Variants in SDC2 observed in about 807,000 individuals in gnomAD.
SDC2 encodes syndecan 2, also known as syndecan-2.
In SDC2, 13 loss-of-function variants were observed where a neutral mutation model predicts 22.2. The observed-to-expected ratio is 0.59, with a 90% CI of 0.38 to 0.93. The LOEUF is 0.93. SDC2 is among the 40% of genes least tolerant of loss of function. The probability of loss-of-function intolerance (pLI) is 0.00; values close to 1 mark genes in which losing one functional copy is unlikely to be tolerated. For synonymous variants in SDC2, 94 were observed against 92.8 expected (o/e 1.01, Z -0.07); for missense variants, 235 against 246.8 (o/e 0.95, Z 0.32).
chr8:96,538,027 A>G (rs2589202), intron 1 of SDC2, among the ~76,000 whole-genome samples: 82,838 of 151,574 alleles, frequency 0.55, 25,115 homozygotes, highest in Non-Finnish European at 0.7. Flanking sequence ...CAGTAGTGCA[A>G]TCTCGGCTCA....
At chr8:96,494,673 AG>A (rs1184080497) in intron 1 of SDC2, among the ~76,000 whole-genome samples, 2 of 151,740 alleles carry the variant, frequency 1.3e-5, no homozygotes, top group South Asian at 4.2e-4. Flanking sequence ...GGGTGGCAGG[AG>A]GGGGGAGCCT....
At chr8:96,551,197 C>T (rs1278830502) in intron 1 of SDC2, among the ~76,000 whole-genome samples, 1 of 152,196 alleles carries the variant, frequency 6.6e-6, no homozygotes, top group East Asian at 1.9e-4. Flanking sequence ...AGACACCTGT[C>T]ACAGCCTTGC....
At chr8:96,567,323 A>G (rs1341961719) in intron 1 of SDC2, among the ~76,000 whole-genome samples, 4 of 152,258 alleles carry the variant, frequency 2.6e-5, no homozygotes, top group Non-Finnish European at 5.9e-5. Context: ...GGCATCTTAT[A>G]GAAGTCTTAA....
chr8:96,537,313 C>A (rs989840211), intron 1 of SDC2: 8 of 152,098 alleles, frequency 5.3e-5, no homozygotes, highest in Admixed American at 3.9e-4. Context: ...AGGAAAAAAA[C>A]CCCACTCTGA....
chr8:96,532,794 G>T (rs1215033051), intron 1 of SDC2, among the ~76,000 whole-genome samples: 2 of 152,154 alleles, frequency 1.3e-5, no homozygotes. Flanking sequence ...GGTCTTCTAG[G>T]TTGGAGTCAT....
At position 96,598,889 on chromosome 8, in the gene SDC2, G is replaced by T. The variant is rs77066899; in HGVS notation, c.173-3506G>T. On this transcript the variant is annotated intron_variant, in intron 2 of 4. Transcript: ENST00000302190. Reference sequence around the variant, plus strand: ...CAAAAGAGTTAATGTTTTTAATAAAGATATTAAAAGCAGCAGAGCCATCTG... The same window carrying T: ...CAAAAGAGTTAATGTTTTTAATAAATATATTAAAAGCAGCAGAGCCATCTG... 2.0e-5 allele frequency among the ~76,000 whole-genome samples: 3 copies of T among 151,120 alleles called. No homozygotes were observed. The East Asian group carries it at 5.9e-4, about 29-fold the overall frequency.
At chr8:96,607,146 A>T (rs1234700482) in intron 3 of SDC2, among the ~76,000 whole-genome samples, 1 of 146,276 alleles carries the variant, frequency 6.8e-6, no homozygotes, top group Non-Finnish European at 1.5e-5. Context: ...TCATGGAAAG[A>T]TTGGGGACCG....
chr8:96,500,674 A>G (rs2130420823), intron 1 of SDC2, among the ~76,000 whole-genome samples: 1 of 152,056 alleles, frequency 6.6e-6, no homozygotes, highest in East Asian at 1.9e-4. Context: ...AAAAAAAAAA[A>G]AAAAAAAGAG....
chr8:96,545,156 A>G (rs1333234988), intron 1 of SDC2, among the ~76,000 whole-genome samples: 1 of 151,788 alleles, frequency 6.6e-6, no homozygotes, highest in East Asian at 1.9e-4. Context: ...AAGATTTTTA[A>G]CTCTTCTCTG....
chr8:96,606,453 T>G (rs2704240), intron 3 of SDC2, among the ~76,000 whole-genome samples: 64,347 of 152,002 alleles, frequency 0.42, 14,980 homozygotes, highest in Non-Finnish European at 0.52. Context: ...CTCCTTTGAA[T>G]GGGACTTCTC....
At chr8:96,556,685 A>G (rs1168712970) in intron 1 of SDC2, among the ~76,000 whole-genome samples, 1 of 152,312 alleles carries the variant, frequency 6.6e-6, no homozygotes, top group African/African-American at 2.4e-5. Flanking sequence ...AAGAAAACCT[A>G]GGCAGTACCA....
At chr8:96,532,412 G>GTTTTTTTTTTTTTTTTTTTTTTT (rs35452131) in intron 1 of SDC2, among the ~76,000 whole-genome samples, 3 of 47,946 alleles carry the variant, frequency 6.3e-5, no homozygotes, top group African/African-American at 3.1e-4. Context: ...TTATTGAGGC[G>GTTTTTTTTTTTTTTTTTTTTTTT]TTTTTTTTTT....
At chr8:96,553,327 AT>A (rs1462559530) in intron 1 of SDC2, among the ~76,000 whole-genome samples, 2 of 152,022 alleles carry the variant, frequency 1.3e-5, no homozygotes, top group Non-Finnish European at 2.9e-5. Flanking sequence ...ATGCATTCTT[AT>A]TGGATTTTAA....
intron 1 of SDC2, among the ~76,000 whole-genome samples, chr8:96,545,952 C>T (rs1813924705): frequency 6.6e-6 from 1 of 152,200 alleles, no homozygotes; most frequent in Admixed American, 6.5e-5. Flanking sequence ...AGGGATGCTG[C>T]ATAATCCCCT....
chr8:96,511,415 G>A (rs190743321), intron 1 of SDC2, among the ~76,000 whole-genome samples: 237 of 152,260 alleles, frequency 1.6e-3, no homozygotes, highest in African/African-American at 5.3e-3. Flanking sequence ...TTACTGAATC[G>A]TATTTAAGTT....
chr8:96,494,430 A>G, intron 1 of SDC2, 99 bp downstream of exon 1: 1 of 1,142,994 alleles, frequency 8.7e-7, no homozygotes, highest in Non-Finnish European at 1.2e-6. Flanking sequence ...GGGAACCCCC[A>G]GTCCCCAAGT....
chr8:96,583,337 C>T (rs993626546), intron 1 of SDC2, among the ~76,000 whole-genome samples: 1 of 145,948 alleles, frequency 6.9e-6, no homozygotes, highest in Non-Finnish European at 1.5e-5. Context: ...TTATATATCA[C>T]ATATAAAATA....
At chr8:96,579,782 A>C (rs546414711) in intron 1 of SDC2, among the ~76,000 whole-genome samples, 1 of 152,320 alleles carries the variant, frequency 6.6e-6, no homozygotes, top group African/African-American at 2.4e-5. Context: ...GTTGTCTCTT[A>C]CATGAAAGGC....
intron 1 of SDC2, among the ~76,000 whole-genome samples, chr8:96,521,017 T>G (rs926188957): frequency 6.6e-6 from 1 of 152,158 alleles, no homozygotes; most frequent in African/African-American, 2.4e-5. Flanking sequence ...ACCCTTTCAT[T>G]TTATTGATCA....
Sources: gnomAD v4.1 joint callset for allele counts (sites outside exome capture counted in the v4.1 genomes callset) on GRCh38, gnomAD v4.1.1 for gene constraint, MANE v1.5 for transcripts, NCBI Gene and HGNC (gene_info 2026-07-23, HGNC 2026-07-21) for gene names.